The following TCF12 variants were observed in gnomAD, a reference collection of about 807,000 sequenced individuals.
TCF12 encodes the protein DNA-binding protein HTF4.
TCF12 carries 45 observed loss-of-function variants against 86.0 expected under a neutral mutation model. The ratio of observed to expected loss-of-function variants is 0.52; its 90% CI spans 0.41 to 0.67. TCF12 has a LOEUF of 0.67. Among genes scored for constraint, TCF12 ranks in the 30% least tolerant of loss-of-function variants. The probability of loss-of-function intolerance (pLI) is 0.00; values close to 1 mark genes in which losing one functional copy is unlikely to be tolerated. For missense variants in TCF12, 881 were observed against 859.9 expected, an observed-to-expected ratio of 1.02 and a Z score of -0.31; for synonymous variants, 330 against 299.6, an observed-to-expected ratio of 1.10 and a Z score of -1.05.
Position 57,241,864 on chromosome 15 carries a change from G to A in TCF12, c.1036-1608G>A, listed in dbSNP as rs373180154. ...AAAAATTAGCCAGGCTTGGTGGCACGCGGCTGTAGTGCTAACTACTGGGAG... is the reference window on the plus strand; with the variant it reads ...AAAAATTAGCCAGGCTTGGTGGCACACGGCTGTAGTGCTAACTACTGGGAG... On this transcript the variant is annotated intron_variant, in intron 12 of 20. Coordinates refer to ENST00000333725, the MANE Select transcript of TCF12 (RefSeq NM_207037.2). Among the ~76,000 whole-genome samples the A allele has an allele frequency of 2.6e-5, 4 of 152,074 alleles. No individual in the cohort carries two copies. In the South Asian group the frequency reaches 6.2e-4, roughly 24 times the overall value.
intron 8 of TCF12, among the ~76,000 whole-genome samples, chr15:57,198,761 C>T (rs1566903742): frequency 1.3e-5 from 2 of 151,886 alleles, no homozygotes; most frequent in African/African-American, 4.8e-5. Flanking sequence ...TTTGGCAGTA[C>T]TTAACCCATG....
intron 3 of TCF12, among the ~76,000 whole-genome samples, chr15:56,927,467 TG>T (rs2060065422): frequency 6.6e-6 from 1 of 152,266 alleles, no homozygotes; most frequent in Non-Finnish European, 1.5e-5. Flanking sequence ...TCCTGTTTTT[TG>T]TTTCACTTAA....
intron 8 of TCF12, 62 bp from the exon 9 acceptor site, chr15:57,231,090 A>G (rs548587966): frequency 1.5e-6 from 2 of 1,341,072 alleles, no homozygotes; most frequent in East Asian, 2.3e-5. Flanking sequence ...TATAGAACTC[A>G]TTTTACATAA....
chr15:57,178,857 A>G (rs1411242869), intron 6 of TCF12, among the ~76,000 whole-genome samples: 1 of 152,210 alleles, frequency 6.6e-6, no homozygotes, highest in Non-Finnish European at 1.5e-5. Flanking sequence ...CCTAAAGGAA[A>G]GTCATTCTTA....
At chr15:57,217,444 T>C (rs2058378100) in intron 8 of TCF12, among the ~76,000 whole-genome samples, 1 of 152,212 alleles carries the variant, frequency 6.6e-6, no homozygotes, top group Non-Finnish European at 1.5e-5. Flanking sequence ...CAAGGTTGCT[T>C]AGTTGGGTTT....
intron 3 of TCF12, among the ~76,000 whole-genome samples, chr15:56,956,918 A>G (rs750595329): frequency 1.3e-5 from 2 of 152,168 alleles, no homozygotes; most frequent in African/African-American, 2.4e-5. Flanking sequence ...TATGGTTTCA[A>G]TGTTCCATTC....
At chr15:57,181,056 C>T (rs1374566660) in intron 6 of TCF12, among the ~76,000 whole-genome samples, 1 of 151,678 alleles carries the variant, frequency 6.6e-6, no homozygotes, top group African/African-American at 2.4e-5. Flanking sequence ...CCTCGTGATC[C>T]GCCCGCCTCG....
At chr15:57,123,413 A>T (rs949079672) in intron 5 of TCF12, among the ~76,000 whole-genome samples, 1 of 152,170 alleles carries the variant, frequency 6.6e-6, no homozygotes, top group Non-Finnish European at 1.5e-5. Flanking sequence ...TTTGAATTCC[A>T]TTGTAAGATT....
At chr15:57,137,974 C>T (rs1295766784) in intron 5 of TCF12, among the ~76,000 whole-genome samples, 2 of 152,024 alleles carry the variant, frequency 1.3e-5, no homozygotes, top group African/African-American at 4.8e-5. Context: ...TTGCAGTGAG[C>T]CAAGATAGCA....
In TCF12 at chr15:57,282,942, T is replaced by C. The variant is rs543569728; in HGVS notation, c.*11+344T>C. On this transcript the variant is annotated intron_variant, in intron 20 of 20. Transcript: ENST00000333725. ...GAAAACGCTCTTGTTACCACTCATG[T>C]TCTTCATTTCTTTATTCAGAAATGC... Among the ~76,000 whole-genome samples the C allele has an allele frequency of 3.3e-5, 5 of 152,382 alleles. No individual in the cohort carries two copies. In the East Asian group the frequency reaches 7.7e-4, roughly 23 times the overall value.
chr15:57,260,827 C>T (rs1320756356), intron 16 of TCF12, among the ~76,000 whole-genome samples: 1 of 152,158 alleles, frequency 6.6e-6, no homozygotes, highest in East Asian at 1.9e-4. Context: ...ATAAACAAGA[C>T]CAGGATACCC....
chr15:57,041,936 A>G (rs16977217), intron 3 of TCF12, among the ~76,000 whole-genome samples: 7,384 of 152,242 alleles, frequency 0.049, 395 homozygotes, highest in African/African-American at 0.13. Flanking sequence ...TGATCATTAC[A>G]TCAAAAGTTT....
chr15:57,170,461 C>G (rs377542324), intron 6 of TCF12, among the ~76,000 whole-genome samples: 11 of 149,640 alleles, frequency 7.4e-5, no homozygotes, highest in African/African-American at 2.7e-4. Context: ...TGTAGTAGGT[C>G]TCTGAAACTT....
At chr15:57,207,967 A>G (rs561624180) in intron 8 of TCF12, among the ~76,000 whole-genome samples, 2 of 152,204 alleles carry the variant, frequency 1.3e-5, no homozygotes, top group Admixed American at 6.5e-5. Context: ...CTTATCGTGA[A>G]TGAAGAACTA....
chr15:57,072,923 A>T (rs2069536188), intron 4 of TCF12, among the ~76,000 whole-genome samples: 2 of 152,230 alleles, frequency 1.3e-5, no homozygotes, highest in South Asian at 4.1e-4. Flanking sequence ...TATAACCTAA[A>T]TGTTTTTGGA....
chr15:57,045,155 T>A (rs2067147549), intron 3 of TCF12, among the ~76,000 whole-genome samples: 1 of 152,198 alleles, frequency 6.6e-6, no homozygotes, highest in African/African-American at 2.4e-5. Context: ...TAGAAATGAC[T>A]CCATGTGAGA....
At chr15:57,152,149 TTGTC>T (rs1325958010) in intron 5 of TCF12, among the ~76,000 whole-genome samples, 1 of 152,192 alleles carries the variant, frequency 6.6e-6, no homozygotes, top group East Asian at 1.9e-4. Context: ...TCCTAACTGA[TTGTC>T]TGAATTTCTC....
intron 3 of TCF12, among the ~76,000 whole-genome samples, chr15:56,963,607 C>A (rs1266447555): frequency 1.3e-5 from 2 of 152,250 alleles, no homozygotes; most frequent in East Asian, 3.9e-4. Flanking sequence ...TTGATTTGGA[C>A]TCAGTGTTTT....
chr15:57,007,836 CTTT>C (rs2064527541), intron 3 of TCF12, among the ~76,000 whole-genome samples: 1 of 136,560 alleles, frequency 7.3e-6, no homozygotes, highest in Non-Finnish European at 1.6e-5. Flanking sequence ...TTCTTTCTTT[CTTT>C]CTCTCTTTCC....
Sources: allele counts gnomAD v4.1 joint callset (sites outside exome capture counted in the v4.1 genomes callset), GRCh38; gene constraint gnomAD v4.1.1; transcripts MANE v1.5; gene names NCBI Gene and HGNC (gene_info 2026-07-23, HGNC 2026-07-21).